SNX5: variants seen among roughly 807,000 people sequenced by gnomAD.
SNX5 encodes sorting nexin-5.
In SNX5, 31 loss-of-function variants were observed where a neutral mutation model predicts 53.9. That is an observed-to-expected ratio of 0.58 (90% CI 0.43 to 0.78). The LOEUF is 0.78. Ranked by LOEUF, SNX5 falls within the 30% of genes least tolerant of loss-of-function variation. The pLI is 0.00. For missense variants in SNX5, 471 were observed against 478.8 expected (o/e 0.98, Z 0.15); for synonymous variants, 168 against 171.1 (o/e 0.98, Z 0.14).
At position 17,942,239 on chromosome 20, in the gene SNX5, T is replaced by TA; in HGVS notation, c.*117dup. 2 of 677,832 alleles carry TA rather than the reference T, an allele frequency of 3.0e-6. No individual in the cohort carries two copies. Among genetic ancestry groups the TA allele is most frequent in the Admixed American group, 5.0e-5 (2 of 40,186 alleles). The allele number at this position is 677,832 out of a possible 1,614,324, so 42.0% of individuals were successfully genotyped here. A position where few individuals can be genotyped will look rare whatever the true frequency, so the allele number is the denominator to read the frequency against. ...TAAGATTTGTAGAAATCAAAATATTTATTCACATAATTTTAAACTAAAGTT... is the reference window on the plus strand; with the variant it reads ...TAAGATTTGTAGAAATCAAAATATTTAATTCACATAATTTTAAACTAAAGTT... On this transcript the variant is annotated 3_prime_UTR_variant, in exon 13 of 13. Transcript: ENST00000377759.
chr20:17,950,071 A>C (rs1277048475), intron 8 of SNX5, 61 bp downstream of exon 8: 1 of 1,449,470 alleles, frequency 6.9e-7, no homozygotes, highest in African/African-American at 1.4e-5. Flanking sequence ...TTATGCTTTT[A>C]ATTACACCAC....
Position 17,950,143 on chromosome 20 carries a change from T to C in SNX5, c.780A>G (p.Thr260=), listed in dbSNP as rs2039544539. The C allele has an allele frequency of 1.2e-6, 2 of 1,614,156 alleles. No homozygotes were observed. The highest frequency in any genetic ancestry group is 1.7e-6 in the Non-Finnish European group (2 of 1,179,986). Residue 260 remains threonine, a synonymous_variant, in exon 8 of 13, where the codon ACA becomes ACG. Coordinates refer to ENST00000377759, the MANE Select transcript of SNX5 (RefSeq NM_014426.4). ...CLHSLALEEP[T]VIKKYLLKVA... ...CCAAAAAAACTTACTTTTTGATGACTGTGGGCTCTTCTAAAGCCAGGCTAT... is the reference window on the plus strand; with the variant it reads ...CCAAAAAAACTTACTTTTTGATGACCGTGGGCTCTTCTAAAGCCAGGCTAT...
Position 17,954,006 on chromosome 20 carries a change from C to G in SNX5, c.379G>C (p.Glu127Gln), listed in dbSNP as rs1259856845. The part of the protein sequence containing the change: ...TKEEFAKMKQ[E>Q]LEAEYLAVFK... ...GGAAAATCCACTTACGCTTCCAGTT[C>G]TTGTTTCATCTTGGCAAATTCTTCT... Residue 127 changes from glutamate to glutamine, a missense_variant, in exon 4 of 13, where the codon GAA becomes CAA. Glu to Gln is a conservative substitution (Grantham distance 29). Coordinates refer to ENST00000377759, the MANE Select transcript of SNX5 (RefSeq NM_014426.4). The G allele has an allele frequency of 6.2e-7, 1 of 1,613,594 alleles. No homozygotes were observed. Among genetic ancestry groups the G allele is most frequent in the Non-Finnish European group, 8.5e-7 (1 of 1,179,742 alleles).
chr20:17,955,507 C>A (rs1329932465), intron 2 of SNX5, 32 bp from the exon 3 acceptor site: 2 of 1,508,688 alleles, frequency 1.3e-6, no homozygotes, highest in African/African-American at 1.4e-5. Context: ...AACTGGTAAC[C>A]ACGACTTTTA....
rs139489861 is a variant in SNX5 at position 17,950,574 on chromosome 20, GA to G, written c.610-179del. Among the ~76,000 whole-genome samples the G allele has an allele frequency of 1.2e-3, 178 of 152,262 alleles. 1 individual carries two copies. In the East Asian group the frequency reaches 0.032, roughly 28 times the overall value. On this transcript the variant is annotated intron_variant, in intron 6 of 12. Coordinates refer to ENST00000377759, the MANE Select transcript of SNX5 (RefSeq NM_014426.4). ...GATACTATTTCTTAACCAAGGCTGG[GA>G]AAAATCAAGGGCTGGCAGAAAATGT...
In SNX5 at chr20:17,943,104, A is replaced by G. The variant is rs768262162; in HGVS notation, c.1164+6T>C. On this transcript the variant is annotated splice_donor_region_variant and intron_variant, in intron 12 of 12. Coordinates refer to ENST00000377759, the MANE Select transcript of SNX5 (RefSeq NM_014426.4). Reference sequence around the variant, plus strand: ...GATGTTGGCTTCATCTGTAGAAAACACTTACCCTGGCATGTTTTATTTCCA... The same window carrying G: ...GATGTTGGCTTCATCTGTAGAAAACGCTTACCCTGGCATGTTTTATTTCCA... 31 of 1,575,758 alleles carry G rather than the reference A, an allele frequency of 2.0e-5. No individual in the cohort carries two copies. The highest frequency in any genetic ancestry group is 1.6e-5 in the Non-Finnish European group (18 of 1,146,116).
intron 1 of SNX5, among the ~76,000 whole-genome samples, chr20:17,966,179 G>C (rs1485393717): frequency 2.0e-5 from 3 of 152,054 alleles, no homozygotes; most frequent in Admixed American, 1.3e-4. Context: ...CGAAGGTCGA[G>C]TTCAAATACC....
chr20:17,950,733 GTT>G (rs957184585), intron 6 of SNX5, among the ~76,000 whole-genome samples: 12 of 151,630 alleles, frequency 7.9e-5, no homozygotes, highest in Non-Finnish European at 1.2e-4. Flanking sequence ...TGTGAATGAG[GTT>G]TTTTTTTCTC....
chr20:17,956,240 T>C (rs1197097845), intron 2 of SNX5, among the ~76,000 whole-genome samples: 1 of 152,246 alleles, frequency 6.6e-6, no homozygotes, highest in Non-Finnish European at 1.5e-5. Context: ...TTTTACCTCC[T>C]TTGATCTGGT....
intron 5 of SNX5, among the ~76,000 whole-genome samples, chr20:17,952,286 C>T (rs2039581305): frequency 6.6e-6 from 1 of 152,118 alleles, no homozygotes; most frequent in South Asian, 2.1e-4. Context: ...ATAAATTACA[C>T]AAATTTTAAT....
At chr20:17,955,835 G>T (rs1453038991) in intron 2 of SNX5, among the ~76,000 whole-genome samples, 2 of 152,152 alleles carry the variant, frequency 1.3e-5, no homozygotes, top group African/African-American at 4.8e-5. Context: ...ACCCAGGCTG[G>T]AGTGCAGTGG....
intron 1 of SNX5, among the ~76,000 whole-genome samples, chr20:17,965,877 C>G (rs915406711): frequency 2.0e-5 from 3 of 151,968 alleles, no homozygotes; most frequent in African/African-American, 7.3e-5. Context: ...AGCTTCAGTC[C>G]ACAAAGTTTG....
chr20:17,967,926 T>C (rs2035580155), intron 1 of SNX5: 1 of 393,722 alleles, frequency 2.5e-6, no homozygotes, highest in Non-Finnish European at 4.4e-6. Flanking sequence ...CCCAAGTTGT[T>C]TGGGCCCCCC....
At chr20:17,961,804 T>C (rs1375425198) in intron 1 of SNX5, 1 of 985,450 alleles carries the variant, frequency 1.0e-6, no homozygotes, top group Non-Finnish European at 1.2e-6. Context: ...AGAGGGCCAA[T>C]ATGACAAATC....
intron 1 of SNX5, among the ~76,000 whole-genome samples, chr20:17,960,231 T>TAGGC (rs1414667008): frequency 3.9e-5 from 6 of 151,974 alleles, no homozygotes; most frequent in African/African-American, 1.5e-4. Context: ...GATGCCAAGG[T>TAGGC]AGGCAGATCA....
At chr20:17,959,311 T>G (rs1033452495) in intron 1 of SNX5, among the ~76,000 whole-genome samples, 1 of 152,248 alleles carries the variant, frequency 6.6e-6, no homozygotes, top group Non-Finnish European at 1.5e-5. Flanking sequence ...TTTTCGTCCC[T>G]TTCCCCATGT....
chr20:17,955,537 C>T (rs2035338953), intron 2 of SNX5, 62 bp from the exon 3 acceptor site: 1 of 1,148,608 alleles, frequency 8.7e-7, no homozygotes, highest in South Asian at 1.3e-5. Flanking sequence ...TCTGGGTTTC[C>T]TAGGCTACAC....
chr20:17,952,626 T>C lies in SNX5; in HGVS notation c.474A>G (p.Lys158=). Reference sequence around the variant, plus strand: ...CCAGGAAAACATGAAAGTTGCGATCTTTACTGAGAACAGGGTGAGAAGAAA... The same window carrying C: ...CCAGGAAAACATGAAAGTTGCGATCCTTACTGAGAACAGGGTGAGAAGAAA... ...QRLSSHPVLS[K]DRNFHVFLEY... Residue 158 remains lysine, a synonymous_variant, in exon 5 of 13, where the codon AAA becomes AAG. Transcript: ENST00000377759. The C allele has an allele frequency of 6.2e-7, 1 of 1,614,108 alleles. No individual in the cohort carries two copies. Among genetic ancestry groups the C allele is most frequent in the Non-Finnish European group, 8.5e-7 (1 of 1,179,986 alleles).
intron 5 of SNX5, among the ~76,000 whole-genome samples, chr20:17,951,838 T>C (rs1016368222): frequency 6.6e-6 from 1 of 152,256 alleles, no homozygotes; most frequent in Non-Finnish European, 1.5e-5. Flanking sequence ...TAAGTCTTAG[T>C]GGCTCTGAAA....
Sources: allele counts gnomAD v4.1 joint callset (sites outside exome capture counted in the v4.1 genomes callset), GRCh38; gene constraint gnomAD v4.1.1; transcripts MANE v1.5; gene names NCBI Gene and HGNC (gene_info 2026-07-23, HGNC 2026-07-21).